The following SSUH2 variants were observed in gnomAD, a reference collection of about 807,000 sequenced individuals.
The protein encoded by SSUH2 is protein SSUH2 homolog.
SSUH2 carries 47 observed loss-of-function variants against 55.3 expected under a neutral mutation model. The observed-to-expected ratio is 0.85, with a 90% CI of 0.67 to 1.08. SSUH2 has a LOEUF of 1.08. Among genes scored for constraint, SSUH2 ranks in the 50% least tolerant of loss-of-function variants. SSUH2 has a pLI of 0.00. For missense variants in SSUH2, 535 were observed against 490.7 expected (o/e 1.09, Z -0.85); for synonymous variants, 212 against 191.5 (o/e 1.11, Z -0.89).
At chr3:8,625,967 G>T (rs1032821065) in intron 9 of SSUH2, among the ~76,000 whole-genome samples, 1 of 152,208 alleles carries the variant, frequency 6.6e-6, no homozygotes, top group East Asian at 1.9e-4. Flanking sequence ...CTATTCCTAC[G>T]GGAAGGGCTC....
At chr3:8,674,041 G>GGCTGGGCTT (rs1337280335) in intron 3 of SSUH2, among the ~76,000 whole-genome samples, 1 of 152,226 alleles carries the variant, frequency 6.6e-6, no homozygotes, top group East Asian at 1.9e-4. Context: ...TGCAGAAGCA[G>GGCTGGGCTT]GCTGGGCTTG....
intron 5 of SSUH2, chr3:8,664,013 G>A: frequency 2.9e-6 from 1 of 348,874 alleles, no homozygotes; most frequent in Non-Finnish European, 5.7e-6. Context: ...GGAGACCCAG[G>A]TTATTTCTCT....
intron 2 of SSUH2, among the ~76,000 whole-genome samples, chr3:8,677,855 C>T (rs613678): frequency 0.38 from 57,659 of 149,924 alleles, 12,330 homozygotes; most frequent in Middle Eastern, 0.46. Flanking sequence ...TCAGGATCTG[C>T]GGTGGACTCA....
upstream of SSUH2, among the ~76,000 whole-genome samples, chr3:8,648,102 T>C (rs1198378099): frequency 6.6e-6 from 1 of 152,030 alleles, no homozygotes; most frequent in Non-Finnish European, 1.5e-5. Context: ...AAATACCACA[T>C]AGGAAGGGAG....
intron 4 of SSUH2, among the ~76,000 whole-genome samples, chr3:8,671,308 G>A (rs1461106376): frequency 6.6e-6 from 1 of 152,072 alleles, no homozygotes; most frequent in Non-Finnish European, 1.5e-5. Flanking sequence ...TTCACAAGGT[G>A]TACAACCTCT....
chr3:8,620,102 G>A (rs1696103701), intron 11 of SSUH2, 88 bp from the exon 12 acceptor site: 3 of 1,466,804 alleles, frequency 2.0e-6, no homozygotes, highest in Non-Finnish European at 2.8e-6. Flanking sequence ...CCTACTGTGT[G>A]TGGTATGAAA....
At chr3:8,681,544 C>T (rs1705949433) in intron 1 of SSUH2, among the ~76,000 whole-genome samples, 1 of 148,834 alleles carries the variant, frequency 6.7e-6, no homozygotes. Context: ...CTCTTCGGAC[C>T]CCCATGGGGG....
intron 3 of SSUH2, among the ~76,000 whole-genome samples, chr3:8,676,538 T>G (rs1240945338): frequency 3.3e-5 from 5 of 150,988 alleles, no homozygotes; most frequent in African/African-American, 1.2e-4. Flanking sequence ...GGTGAATACT[T>G]ACTGCCATAT....
Position 8,629,370 on chromosome 3 carries a change from T to C in SSUH2, c.588+294A>G, listed in dbSNP as rs149659003. ...GAAGAACCCCAGGTCTTGGCCCTCT[T>C]ACAGGACCTAGAGGTCAGAGCCAAG... On this transcript the variant is annotated intron_variant, in intron 7 of 11. Coordinates refer to ENST00000544814, the MANE Select transcript of SSUH2 (RefSeq NM_001256748.3). 2,630 of 404,962 alleles carry C rather than the reference T, an allele frequency of 6.5e-3. 14 individuals carry two copies. Among genetic ancestry groups the C allele is most frequent in the Non-Finnish European group, 8.8e-3 (2,008 of 226,956 alleles). The allele number at this position is 404,962 out of a possible 1,614,324, so 25.1% of individuals were successfully genotyped here.
chr3:8,627,650 G>C (rs754118506), intron 8 of SSUH2, 48 bp downstream of exon 8: 1 of 1,454,728 alleles, frequency 6.9e-7, no homozygotes, highest in East Asian at 2.5e-5. Context: ...GCAATGAAAA[G>C]CCAGAAAGCA....
chr3:8,648,412 T>G (rs533645345), upstream of SSUH2, among the ~76,000 whole-genome samples: 1 of 152,244 alleles, frequency 6.6e-6, no homozygotes, highest in African/African-American at 2.4e-5. Flanking sequence ...GGCTACCCAA[T>G]CAGCTGAACA....
At chr3:8,670,675 A>G (rs1704467367) in intron 5 of SSUH2, among the ~76,000 whole-genome samples, 1 of 152,064 alleles carries the variant, frequency 6.6e-6, no homozygotes, top group Non-Finnish European at 1.5e-5. Flanking sequence ...CAGAGGGTGT[A>G]CATGCATTGT....
chr3:8,654,310 G>C (rs192920527), intron 7 of SSUH2, among the ~76,000 whole-genome samples: 1 of 152,174 alleles, frequency 6.6e-6, no homozygotes, highest in Non-Finnish European at 1.5e-5. Flanking sequence ...ATCACATTAG[G>C]GGGTAGGGCT....
At chr3:8,641,127 C>T (rs1292186249) in intron 1 of SSUH2, among the ~76,000 whole-genome samples, 1 of 152,166 alleles carries the variant, frequency 6.6e-6, no homozygotes, top group East Asian at 1.9e-4. Flanking sequence ...TTAGACCTCC[C>T]CGTCTCCAAA....
intron 1 of SSUH2, among the ~76,000 whole-genome samples, chr3:8,638,300 C>G (rs374810300): frequency 2.6e-5 from 4 of 152,326 alleles, no homozygotes; most frequent in East Asian, 3.9e-4. Flanking sequence ...ATGAACACCC[C>G]CTCTCTACCA....
intron 5 of SSUH2, among the ~76,000 whole-genome samples, chr3:8,669,167 T>C (rs1704277543): frequency 6.6e-6 from 1 of 152,250 alleles, no homozygotes; most frequent in South Asian, 2.1e-4. Flanking sequence ...TTATTTGTAC[T>C]CTGTTGTATT....
At chr3:8,634,490 C>G in intron 3 of SSUH2, 2 of 1,289,828 alleles carry the variant, frequency 1.6e-6, no homozygotes, top group Non-Finnish European at 2.0e-6. Flanking sequence ...GCCCTGAGAG[C>G]CATTAATCCA....
intron 7 of SSUH2, among the ~76,000 whole-genome samples, chr3:8,657,508 C>T (rs1703054286): frequency 6.6e-6 from 1 of 152,104 alleles, no homozygotes; most frequent in African/African-American, 2.4e-5. Context: ...GTTCCATGCT[C>T]ATAGACAGTG....
At position 8,627,753 on chromosome 3, in the gene SSUH2, G is replaced by A. The variant is rs374521608; in HGVS notation, c.619C>T (p.Arg207Cys). The change falls in exon 8 of 12, where the codon CGC (arginine) becomes TGC (cysteine). Residue 207 changes from arginine to cysteine, a missense_variant. Arg to Cys is a radical substitution (Grantham distance 180, BLOSUM62 -3). Coordinates refer to ENST00000544814, the MANE Select transcript of SSUH2 (RefSeq NM_001256748.3). ...VRCPSCCGAK[R>C]KAKQSRRCQL... ...CATCTCCGGGACTGCTTGGCTTTGC[G>A]CTTGGCTCCGCAGCAGGATGGGCAC... is the stretch of plus-strand genomic sequence containing the variant. The A allele has an allele frequency of 1.7e-5, 28 of 1,610,022 alleles. No homozygotes were observed. The highest frequency in any genetic ancestry group is 1.6e-4 in the Middle Eastern group (1 of 6,066).
Sources: gnomAD v4.1 joint callset for allele counts (sites outside exome capture counted in the v4.1 genomes callset) on GRCh38, gnomAD v4.1.1 for gene constraint, MANE v1.5 for transcripts, NCBI Gene and HGNC (gene_info 2026-07-23, HGNC 2026-07-21) for gene names.